Variants in IL1RAP observed in about 807,000 individuals in gnomAD.
The protein encoded by IL1RAP is interleukin-1 receptor accessory protein.
Under a neutral mutation model 60.7 loss-of-function variants are expected in IL1RAP, and 35 were observed. That is an observed-to-expected ratio of 0.58 (90% CI 0.44 to 0.76). IL1RAP has a LOEUF of 0.76. Among genes scored for constraint, IL1RAP ranks in the 30% least tolerant of loss-of-function variants. The pLI is 0.00. For missense variants in IL1RAP, 572 were observed against 693.9 expected (o/e 0.82, Z 1.97); for synonymous variants, 268 against 250.9 (o/e 1.07, Z -0.64).
At chr3:190,655,713 T>C (rs1734595703), downstream of IL1RAP, among the ~76,000 whole-genome samples, 1 of 152,078 alleles carries the variant, frequency 6.6e-6, no homozygotes, top group African/African-American at 2.4e-5. Flanking sequence ...AGTAAATTCT[T>C]AGCAACCATT....
chr3:190,539,262 T>C (rs1040539365), intron 1 of IL1RAP, among the ~76,000 whole-genome samples: 4 of 152,160 alleles, frequency 2.6e-5, no homozygotes, highest in Non-Finnish European at 5.9e-5. Context: ...TGTCCAAGAA[T>C]TGGAAGCCTG....
At chr3:190,634,707 G>GTTTTTTTTTTTTTTTTTTTTTTTTT (rs1167445179) in intron 9 of IL1RAP, among the ~76,000 whole-genome samples, 7 of 134,708 alleles carry the variant, frequency 5.2e-5, no homozygotes, top group African/African-American at 1.5e-4. Context: ...GGCCTGTTGT[G>GTTTTTTTTTTTTTTTTTTTTTTTTT]TTTTTTTTTT....
chr3:190,620,730 G>A (rs1157474025), intron 6 of IL1RAP, among the ~76,000 whole-genome samples: 1 of 152,116 alleles, frequency 6.6e-6, no homozygotes, highest in Non-Finnish European at 1.5e-5. Context: ...CCACTTATTA[G>A]AAACATGACG....
intron 1 of IL1RAP, among the ~76,000 whole-genome samples, chr3:190,530,345 T>C (rs1237548596): frequency 6.6e-6 from 1 of 152,196 alleles, no homozygotes; most frequent in Non-Finnish European, 1.5e-5. Context: ...ATCTGTATTT[T>C]AGATCTGGCT....
intron 5 of IL1RAP, among the ~76,000 whole-genome samples, chr3:190,612,149 CT>C (rs1467904638): frequency 6.6e-6 from 1 of 152,000 alleles, no homozygotes; most frequent in African/African-American, 2.4e-5. Flanking sequence ...CAGTGAGTAG[CT>C]GTGCATGAAA....
chr3:190,597,565 C>G (rs896279512), intron 3 of IL1RAP, among the ~76,000 whole-genome samples: 1 of 152,116 alleles, frequency 6.6e-6, no homozygotes, highest in African/African-American at 2.4e-5. Context: ...AGAGATTATG[C>G]TGGGGATTTC....
chr3:190,635,503 A>C (rs1408291278), intron 9 of IL1RAP, among the ~76,000 whole-genome samples: 1 of 152,166 alleles, frequency 6.6e-6, no homozygotes, highest in Non-Finnish European at 1.5e-5. Context: ...TGTTTTCCTC[A>C]TAGGATTAGT....
At chr3:190,568,680 A>G (rs1726638068) in intron 3 of IL1RAP, among the ~76,000 whole-genome samples, 1 of 152,190 alleles carries the variant, frequency 6.6e-6, no homozygotes, top group Admixed American at 6.5e-5. Context: ...AAACCAAGCC[A>G]ACCAACCAAA....
chr3:190,564,503 G>T (rs1726195686), intron 3 of IL1RAP, 150 bp downstream of exon 3: 1 of 647,318 alleles, frequency 1.5e-6, no homozygotes, highest in East Asian at 2.7e-5. Flanking sequence ...CAGAATAATA[G>T]AATTTTGATG....
rs559931509 is a variant in IL1RAP, at chr3:190,651,265, A to G, written c.*2560A>G. On this transcript the variant is annotated 3_prime_UTR_variant, in exon 12 of 12. Coordinates refer to ENST00000447382, the MANE Select transcript of IL1RAP (RefSeq NM_002182.4). ...GATATATAGAGTGTCTAATTACAAA[A>G]TCATATACGATTTATTTAATTCTCT... is the stretch of plus-strand genomic sequence containing the variant. 2.1e-6 allele frequency: 2 copies of G among 965,866 alleles called. No individual in the cohort carries two copies. Among genetic ancestry groups the G allele is most frequent in the East Asian group, 1.1e-4 (1 of 8,718 alleles). 59.8% of individuals were successfully genotyped at this position (965,866 alleles called of 1,614,324 possible). A position where few individuals can be genotyped will look rare whatever the true frequency, so the allele number is the denominator to read the frequency against.
intron 9 of IL1RAP, 95 bp downstream of exon 9, chr3:190,629,593 C>A: frequency 6.8e-7 from 1 of 1,477,166 alleles, no homozygotes; most frequent in Non-Finnish European, 9.0e-7. Context: ...AGAGCTCCAG[C>A]ACCTAGCCCG....
chr3:190,566,301 G>A (rs1444152200), intron 3 of IL1RAP, among the ~76,000 whole-genome samples: 1 of 152,094 alleles, frequency 6.6e-6, no homozygotes, highest in Admixed American at 6.5e-5. Flanking sequence ...AACGTGTTTG[G>A]GTTCATGCCA....
chr3:190,533,493 C>T (rs1264221003), intron 1 of IL1RAP, among the ~76,000 whole-genome samples: 1 of 152,192 alleles, frequency 6.6e-6, no homozygotes, highest in Non-Finnish European at 1.5e-5. Flanking sequence ...CTCCTCCTCC[C>T]TCCCCCCTGT....
chr3:190,627,566 A>C (rs1732418044), intron 8 of IL1RAP, 117 bp downstream of exon 8: 1 of 1,316,292 alleles, frequency 7.6e-7, no homozygotes, highest in Non-Finnish European at 1.0e-6. Flanking sequence ...ACTAACAAAA[A>C]TCGGCAAGAT....
At chr3:190,553,967 A>C (rs1436138703) in intron 1 of IL1RAP, among the ~76,000 whole-genome samples, 1 of 147,392 alleles carries the variant, frequency 6.8e-6, no homozygotes, top group East Asian at 2.1e-4. Context: ...AGGCTGAGGC[A>C]GGAGAATGGC....
chr3:190,514,929 A>G (rs1334725582), intron 1 of IL1RAP, among the ~76,000 whole-genome samples: 2 of 152,204 alleles, frequency 1.3e-5, no homozygotes, highest in Non-Finnish European at 2.9e-5. Context: ...TCCCTCTTCT[A>G]AATACTGAGA....
chr3:190,599,778 AC>A (rs1370145901), intron 3 of IL1RAP, among the ~76,000 whole-genome samples: 1 of 149,548 alleles, frequency 6.7e-6, no homozygotes, highest in Non-Finnish European at 1.5e-5. Flanking sequence ...TGGGCTTCTA[AC>A]TTTCTTATCT....
chr3:190,540,773 T>G (rs745791128), intron 1 of IL1RAP, among the ~76,000 whole-genome samples: 11 of 152,132 alleles, frequency 7.2e-5, no homozygotes, highest in Admixed American at 2.6e-4. Context: ...ACAAATCTAT[T>G]TTTTATTCTT....
chr3:190,525,519 A>G (rs1342779377), intron 1 of IL1RAP, among the ~76,000 whole-genome samples: 1 of 152,242 alleles, frequency 6.6e-6, no homozygotes, highest in Admixed American at 6.5e-5. Flanking sequence ...AAGCAGGATG[A>G]TGAGCAGGTC....
Sources: allele counts gnomAD v4.1 joint callset (sites outside exome capture counted in the v4.1 genomes callset), GRCh38; gene constraint gnomAD v4.1.1; transcripts MANE v1.5; gene names NCBI Gene and HGNC (gene_info 2026-07-23, HGNC 2026-07-21).